PDE4C: variants seen among roughly 807,000 people sequenced by gnomAD.
PDE4C encodes phosphodiesterase 4C, also known as 3',5'-cyclic-AMP phosphodiesterase 4C.
PDE4C carries 50 observed loss-of-function variants against 63.9 expected under a neutral mutation model. That is an observed-to-expected ratio of 0.78 (90% CI 0.62 to 0.99). The LOEUF (loss-of-function observed/expected upper bound fraction) is 0.99, where lower values mean the gene tolerates loss of function less well. PDE4C is among the 50% of genes least tolerant of loss of function. The probability of loss-of-function intolerance (pLI) is 0.00; values close to 1 mark genes in which losing one functional copy is unlikely to be tolerated. For synonymous variants in PDE4C, 377 were observed against 385.1 expected, an observed-to-expected ratio of 0.98 and a Z score of 0.25; for missense variants, 777 against 899.1, an observed-to-expected ratio of 0.86 and a Z score of 1.74.
At chr19:18,254,446 A>T in the PDE4C span, among the ~76,000 whole-genome samples, 1 of 152,166 alleles carries the variant, frequency 6.6e-6, no homozygotes, top group Non-Finnish European at 1.5e-5. Flanking sequence ...GTTTCTAGGC[A>T]CTGTGCTGGG....
intron 1 of PDE4C, among the ~76,000 whole-genome samples, chr19:18,223,773 TG>T (rs1212955852): frequency 6.6e-6 from 1 of 152,200 alleles, no homozygotes; most frequent in Non-Finnish European, 1.5e-5. Flanking sequence ...CTAGCTCACA[TG>T]GTGGACACGT....
chr19:18,213,279 G>A (rs904879050), intron 13 of PDE4C, 89 bp downstream of exon 13: 25 of 1,202,936 alleles, frequency 2.1e-5, no homozygotes, highest in African/African-American at 1.9e-4. Flanking sequence ...GTGAGACTCC[G>A]TCTCAATAAA....
intron 1 of PDE4C, among the ~76,000 whole-genome samples, chr19:18,243,233 C>A (rs1048578978): frequency 2.6e-4 from 40 of 152,200 alleles, no homozygotes; most frequent in African/African-American, 9.4e-4. Context: ...CCTCAGCCTC[C>A]CGAGTAGCTG....
intron 1 of PDE4C, among the ~76,000 whole-genome samples, chr19:18,222,618 T>C (rs1209822668): frequency 2.7e-5 from 4 of 146,228 alleles, no homozygotes; most frequent in African/African-American, 1.0e-4. Flanking sequence ...TTCTTTTATT[T>C]TTTTTCTCTC....
At chr19:18,225,765 A>C (rs1301219688) in intron 1 of PDE4C, 1 of 153,074 alleles carries the variant, frequency 6.5e-6, no homozygotes, top group Non-Finnish European at 1.5e-5. Context: ...TGCCTCGAAA[A>C]CCCCCTCAAT....
At chr19:18,224,810 G>C (rs1166362373) in intron 1 of PDE4C, among the ~76,000 whole-genome samples, 1 of 152,224 alleles carries the variant, frequency 6.6e-6, no homozygotes, top group Non-Finnish European at 1.5e-5. Context: ...ACCCTTCCCT[G>C]GCCCGTCTGG....
chr19:18,224,223 GA>G, intron 1 of PDE4C: 1 of 985,552 alleles, frequency 1.0e-6, no homozygotes, highest in Non-Finnish European at 1.2e-6. Flanking sequence ...GGGCGCTAGA[GA>G]AGGCGGTGAC....
upstream of PDE4C, among the ~76,000 whole-genome samples, chr19:18,226,767 G>A (rs1968745611): frequency 6.6e-6 from 1 of 151,882 alleles, no homozygotes; most frequent in South Asian, 2.1e-4. Context: ...CACCACGCCC[G>A]GGCTAATGTA....
chr19:18,208,890 A>G (rs1261645804), downstream of PDE4C: 1 of 152,098 alleles, frequency 6.6e-6, no homozygotes, highest in Non-Finnish European at 1.5e-5. Flanking sequence ...CAGGAGACTT[A>G]GAGACCTGCT....
upstream of PDE4C, among the ~76,000 whole-genome samples, chr19:18,227,522 G>A (rs1222246707): frequency 6.6e-6 from 1 of 152,190 alleles, no homozygotes; most frequent in Non-Finnish European, 1.5e-5. Flanking sequence ...ACTGGGGGGG[G>A]CCTCTGGTGT....
upstream of PDE4C, among the ~76,000 whole-genome samples, chr19:18,226,817 G>A (rs565372167): frequency 6.6e-6 from 1 of 151,916 alleles, no homozygotes; most frequent in Non-Finnish European, 1.5e-5. Context: ...TGTTGCCCAG[G>A]CTGATCTCGA....
intron 1 of PDE4C, among the ~76,000 whole-genome samples, chr19:18,242,469 C>T (rs79484355): frequency 0.12 from 10,366 of 86,218 alleles, 652 homozygotes; most frequent in East Asian, 0.43. Context: ...AAGGGAGACT[C>T]CATCTCAAAA....
intron 11 of PDE4C, 82 bp from the exon 12 acceptor site, chr19:18,216,977 C>T: frequency 1.4e-6 from 2 of 1,478,862 alleles, no homozygotes; most frequent in Non-Finnish European, 1.8e-6. Flanking sequence ...AAATCCTTAG[C>T]AAACTCCTAC....
At chr19:18,237,899 T>C (rs1041368857), upstream of PDE4C, among the ~76,000 whole-genome samples, 8 of 145,842 alleles carry the variant, frequency 5.5e-5, no homozygotes, top group Admixed American at 5.5e-4. Context: ...AAAAAGTGCC[T>C]GGTCCACAGT....
exon 9 of PDE4C, chr19:18,218,950 C>A (rs746217505): frequency 1.2e-6 from 2 of 1,613,154 alleles, no homozygotes; most frequent in Non-Finnish European, 1.7e-6. Context: ...CTGAAAAATG[C>A]TGAATATGAT....
chr19:18,224,541 G>T (rs1968643500), intron 1 of PDE4C: 2 of 984,132 alleles, frequency 2.0e-6, no homozygotes, highest in South Asian at 9.4e-5. Flanking sequence ...GGAGAATTCG[G>T]CTACGTCCGA....
chr19:18,237,419 T>C (rs1373524734), upstream of PDE4C, among the ~76,000 whole-genome samples: 3 of 151,602 alleles, frequency 2.0e-5, no homozygotes, highest in East Asian at 5.8e-4. Context: ...GGCGTGGTGG[T>C]GCATGCCTGT....
chr19:18,235,765 C>T (rs187769065), upstream of PDE4C, among the ~76,000 whole-genome samples: 19 of 152,056 alleles, frequency 1.2e-4, no homozygotes, highest in East Asian at 2.7e-3. Flanking sequence ...GCCTACTTCC[C>T]GGGGCTCCCC....
chr19:18,226,584 G>T, upstream of PDE4C: 2 of 382,542 alleles, frequency 5.2e-6, no homozygotes, highest in Non-Finnish European at 9.2e-6. Context: ...GAGGCACAGA[G>T]TCAGACGCAA....
Sources: gnomAD v4.1 joint callset for allele counts (sites outside exome capture counted in the v4.1 genomes callset) on GRCh38, gnomAD v4.1.1 for gene constraint, MANE v1.5 for transcripts, NCBI Gene and HGNC (gene_info 2026-07-23, HGNC 2026-07-21) for gene names.